The following CCDC57 variants were observed in gnomAD, a reference collection of about 807,000 sequenced individuals.
CCDC57 encodes coiled-coil domain-containing protein 57.
In CCDC57, 118 loss-of-function variants were observed where a neutral mutation model predicts 118.9. The observed-to-expected ratio is 0.99, with a 90% CI of 0.86 to 1.16. CCDC57 has a LOEUF of 1.16. Ranked by LOEUF, CCDC57 falls within the 50% of genes most tolerant of loss-of-function variation. The pLI, the probability that CCDC57 is intolerant of heterozygous loss-of-function variation, is 0.00. For missense variants in CCDC57, 1,300 were observed against 1,320.7 expected, an observed-to-expected ratio of 0.98 and a Z score of 0.24; for synonymous variants, 527 against 532.9, an observed-to-expected ratio of 0.99 and a Z score of 0.15.
At chr17:82,186,116 G>A (rs140429819) in intron 8 of CCDC57, among the ~76,000 whole-genome samples, 1 of 152,006 alleles carries the variant, frequency 6.6e-6, no homozygotes, top group Non-Finnish European at 1.5e-5. Context: ...GTGCCTAGCC[G>A]AGGTCATCAT....
At chr17:82,173,120 G>C (rs1446622605) in intron 11 of CCDC57, among the ~76,000 whole-genome samples, 1 of 152,144 alleles carries the variant, frequency 6.6e-6, no homozygotes, top group Non-Finnish European at 1.5e-5. Context: ...GTGGAATGGG[G>C]GTGCTGGGGC....
chr17:82,150,683 C>T (rs1202960343), intron 16 of CCDC57, among the ~76,000 whole-genome samples: 1 of 66,648 alleles, frequency 1.5e-5, no homozygotes, highest in Non-Finnish European at 2.8e-5. Context: ...TGACCCGCAC[C>T]TAGAACCAGG....
intron 19 of CCDC57, among the ~76,000 whole-genome samples, chr17:82,121,620 C>A (rs1454947149): frequency 6.6e-6 from 1 of 152,192 alleles, no homozygotes; most frequent in African/African-American, 2.4e-5. Context: ...GTGTCTGCAG[C>A]CATTGCGGAG....
At chr17:82,190,266 C>T (rs1396314406) in intron 7 of CCDC57, among the ~76,000 whole-genome samples, 3 of 152,186 alleles carry the variant, frequency 2.0e-5, no homozygotes, top group African/African-American at 7.2e-5. Context: ...CCCTATTTCT[C>T]ATTGTGTTTA....
chr17:82,126,954 CA>C (rs2037526307), intron 19 of CCDC57: 1 of 985,256 alleles, frequency 1.0e-6, no homozygotes, highest in Non-Finnish European at 1.2e-6. Flanking sequence ...CCGCCCCAAC[CA>C]CATCACACGT....
In CCDC57 at chr17:82,173,014, C is replaced by T. The variant is rs151209417; in HGVS notation, c.1507-154G>A. 4.5e-3 allele frequency among the ~76,000 whole-genome samples: 681 copies of T among 152,234 alleles called. 5 individuals are homozygous for T. Among genetic ancestry groups the T allele is most frequent in the African/African-American group, 0.016 (646 of 41,520 alleles). On this transcript the variant is annotated intron_variant, in intron 11 of 19. Coordinates refer to ENST00000665763, the Ensembl canonical transcript of CCDC57. ...CTCCCCATCCCCAGGCTGTGATGCC[C>T]CTCCTTTCTGACAGAAGTGCAAATA...
At chr17:82,130,812 T>TG (rs2038245168) in intron 17 of CCDC57, among the ~76,000 whole-genome samples, 4 of 146,740 alleles carry the variant, frequency 2.7e-5, no homozygotes, top group Admixed American at 6.8e-5. Context: ...CTCCTTTTTT[T>TG]TGGGGGGGTG....
chr17:82,125,611 A>G (rs1001444222), intron 19 of CCDC57, among the ~76,000 whole-genome samples: 2 of 152,000 alleles, frequency 1.3e-5, no homozygotes, highest in African/African-American at 2.4e-5. Flanking sequence ...CCTGACCTCA[A>G]CTGATCCACC....
At chr17:82,185,919 T>C (rs2046868314) in intron 8 of CCDC57, among the ~76,000 whole-genome samples, 1 of 152,230 alleles carries the variant, frequency 6.6e-6, no homozygotes, top group African/African-American at 2.4e-5. Flanking sequence ...ATTTTTTTAG[T>C]TAAAAAATTA....
intron 13 of CCDC57, among the ~76,000 whole-genome samples, chr17:82,165,690 T>C (rs937987559): frequency 6.6e-6 from 1 of 152,108 alleles, no homozygotes; most frequent in Non-Finnish European, 1.5e-5. Context: ...TGAAGACCCC[T>C]GAGGAGCTGC....
chr17:82,187,705 TCG>T, intron 8 of CCDC57, among the ~76,000 whole-genome samples: 1 of 48,244 alleles, frequency 2.1e-5, no homozygotes. Flanking sequence ...CTGGCGGGGG[TCG>T]GGGGGAGCCG....
intron 14 of CCDC57, 35 bp downstream of exon 13, chr17:82,163,165 C>A: frequency 6.2e-7 from 1 of 1,607,860 alleles, no homozygotes. Flanking sequence ...CAGCGGCTCT[C>A]TAGGAGGATG....
intron 16 of CCDC57, among the ~76,000 whole-genome samples, chr17:82,134,503 GC>G (rs951508010): frequency 2.6e-5 from 4 of 152,126 alleles, no homozygotes; most frequent in African/African-American, 4.8e-5. Context: ...CAAAGAAGAA[GC>G]AAAAACTTGC....
intron 19 of CCDC57, chr17:82,126,970 C>T (rs2037529377): frequency 1.0e-6 from 1 of 985,270 alleles, no homozygotes; most frequent in African/African-American, 1.7e-5. Context: ...ACACGTCCCG[C>T]AACTCCAGCT....
intron 2 of CCDC57, among the ~76,000 whole-genome samples, chr17:82,205,496 G>C (rs559772824): frequency 8.7e-4 from 133 of 152,342 alleles, no homozygotes; most frequent in African/African-American, 3.1e-3. Context: ...ACACGGCCCA[G>C]CCTGCGTGGC....
At position 82,212,395 on chromosome 17, in the gene CCDC57, CTCTTTTTTT is replaced by C. The variant is rs2050231465; in HGVS notation, c.-211+381_-211+389del. ...ACCGCCTCCGGCCTTTTTTTTTCCTCTCTTTTTTTTTTTTTTTTTTTAAACTCACAGACA... is the reference window on the plus strand; with the variant it reads ...ACCGCCTCCGGCCTTTTTTTTTCCTCTTTTTTTTTTTTAAACTCACAGACA... On this transcript the variant is annotated intron_variant, in intron 1 of 19. Transcript: ENST00000665763. This position sits in a 1 kb window ranked among gnomAD's most constrained non-coding sequence, Gnocchi z 4.1. Among the ~76,000 whole-genome samples, 49 of 134,218 alleles carry C rather than the reference CTCTTTTTTT, an allele frequency of 3.7e-4. No individual in the cohort carries two copies. The highest frequency in any genetic ancestry group is 3.4e-3 in the Admixed American group (45 of 13,366). 88.1% of individuals were successfully genotyped at this position (134,218 alleles called of 152,430 possible).
intron 15 of CCDC57, chr17:82,152,057 C>T (rs2042129425): frequency 4.5e-6 from 2 of 448,134 alleles, no homozygotes; most frequent in South Asian, 2.4e-5. Context: ...TCCCCGCCAT[C>T]CCTGCCTTCT....
intron 13 of CCDC57, among the ~76,000 whole-genome samples, chr17:82,168,389 G>A (rs141180982): frequency 0.047 from 7,205 of 152,258 alleles, 226 homozygotes; most frequent in African/African-American, 0.089. Flanking sequence ...GAGGCCAGAA[G>A]TTCGAGACCA....
chr17:82,115,260 T>C (rs1326176430), intron 19 of CCDC57, among the ~76,000 whole-genome samples: 3 of 111,522 alleles, frequency 2.7e-5, no homozygotes, highest in African/African-American at 3.7e-5. Context: ...GCATTCGGGC[T>C]GTCCGGGAAG....
Sources: allele counts gnomAD v4.1 joint callset (sites outside exome capture counted in the v4.1 genomes callset), GRCh38; gene constraint gnomAD v4.1.1; non-coding constraint Gnocchi (gnomAD v3.1); transcripts MANE v1.5; gene names NCBI Gene and HGNC (gene_info 2026-07-23, HGNC 2026-07-21).